Variants in ADAMTS13 observed in about 807,000 individuals in gnomAD.
The protein encoded by ADAMTS13 is ADAM metallopeptidase with thrombospondin type 1 motif 13.
In ADAMTS13, 110 loss-of-function variants were observed where a neutral mutation model predicts 155.1. That is an observed-to-expected ratio of 0.71 (90% CI 0.61 to 0.83). The LOEUF (loss-of-function observed/expected upper bound fraction) is 0.83. Ranked by LOEUF, ADAMTS13 falls within the 40% of genes least tolerant of loss-of-function variation. The probability of loss-of-function intolerance (pLI) is 0.00; values close to 1 mark genes in which losing one functional copy is unlikely to be tolerated. For synonymous variants in ADAMTS13, 758 were observed against 756.4 expected (o/e 1.00, Z -0.03); for missense variants, 1,707 against 1,891.7 (o/e 0.90, Z 1.81).
intron 7 of ADAMTS13, chr9:133,429,617 C>G: frequency 2.1e-6 from 1 of 483,452 alleles, no homozygotes; most frequent in Non-Finnish European, 4.0e-6. Context: ...ATCTCCCCCA[C>G]CCGCGTACAT....
At chr9:133,447,791 G>A (rs779367228) in intron 21 of ADAMTS13, among the ~76,000 whole-genome samples, 2 of 151,208 alleles carry the variant, frequency 1.3e-5, no homozygotes, top group Non-Finnish European at 2.9e-5. Context: ...AGGGGGTTTC[G>A]CCATGATGGC....
At chr9:133,429,218 GCTGTCCCACTCTGCGGCCACCCTT>G (rs1840533706) in intron 7 of ADAMTS13, among the ~76,000 whole-genome samples, 1 of 57,652 alleles carries the variant, frequency 1.7e-5, no homozygotes, top group Non-Finnish European at 3.2e-5. Flanking sequence ...CTCCCCCCGT[GCTGTCCCACTCTGCGGCCACCCTT>G]CTGTCCAACC....
chr9:133,442,128 G>T (rs1841713046), intron 16 of ADAMTS13, among the ~76,000 whole-genome samples: 1 of 152,082 alleles, frequency 6.6e-6, no homozygotes, highest in Admixed American at 6.6e-5. Context: ...TGTCTTTGTT[G>T]TTTTTTTAGA....
rs1842237828 is a variant in ADAMTS13, at chr9:133,448,737, G to A, written c.2861+9G>A. ...GTCCCGTGCCCTGCTCGGTGAGTGA[G>A]GGGAGCAAGACTGTGTGCTGGCCTT... is the stretch of plus-strand genomic sequence containing the variant. On this transcript the variant is annotated intron_variant, in intron 22 of 28. Coordinates refer to ENST00000355699, the MANE Select transcript of ADAMTS13 (RefSeq NM_139027.6). 4.4e-6 allele frequency: 7 copies of A among 1,599,250 alleles called. No homozygotes were observed. The East Asian group carries it at 1.6e-4, about 36-fold the overall frequency.
chr9:133,439,480 T>G (rs1462326537), intron 15 of ADAMTS13, 34 bp downstream of exon 15: 1 of 1,565,924 alleles, frequency 6.4e-7, no homozygotes, highest in African/African-American at 1.4e-5. Flanking sequence ...CCCAGTTAGC[T>G]AGACTGCAAA....
Position 133,425,911 on chromosome 9 carries a change from A to C in ADAMTS13, c.415-27A>C, listed in dbSNP as rs374056237. On this transcript the variant is annotated intron_variant, in intron 4 of 28. Transcript: ENST00000355699. The surrounding 1 kb of genome is among the most constrained non-coding windows in gnomAD (Gnocchi z 4.6). ...CACCGTGCCTGGTTGGGGTGTCCTA[A>C]ATGCAGGCTTTGCTGTGGGTCCGCA... 11 of 1,612,670 alleles carry C rather than the reference A, an allele frequency of 6.8e-6. No homozygotes were observed. In the African/African-American group the frequency reaches 1.5e-4, roughly 22 times the overall value.
At position 133,454,450 on chromosome 9, in the gene ADAMTS13, G is replaced by C; in HGVS notation, c.3080G>C (p.Ser1027Thr). ...KVMSLGPCSASCGLGTARRSV... is the reference protein window; with the variant it reads ...KVMSLGPCSATCGLGTARRSV... The stretch of plus-strand genomic sequence containing the variant: ...ATGTCCCTTGGCCCATGTTCGGCCA[G>C]CTGTGGCCTTGGCACTGCTAGACGC... The change falls in exon 24 of 29, where the codon AGC (serine) becomes ACC (threonine). Residue 1027 changes from serine (S) to threonine (T), a missense_variant. This residue lies in a region of ADAMTS13 where 961 missense variants were observed against 1,107.9 expected (regional missense o/e 0.87). Coordinates refer to ENST00000355699, the MANE Select transcript of ADAMTS13 (RefSeq NM_139027.6). The C allele has an allele frequency of 2.5e-6, 4 of 1,613,772 alleles. No individual in the cohort carries two copies. Among genetic ancestry groups the C allele is most frequent in the South Asian group, 1.1e-5 (1 of 91,090 alleles).
At chr9:133,429,605 C>T (rs587643079) in intron 7 of ADAMTS13, 132 of 448,774 alleles carry the variant, frequency 2.9e-4, no homozygotes, top group Middle Eastern at 2.5e-3. Flanking sequence ...TCCCACACCC[C>T]TATCTCCCCC....
chr9:133,456,422 A>T lies in ADAMTS13; in HGVS notation c.3548-121A>T. 1 of 1,406,518 alleles carries T rather than the reference A, an allele frequency of 7.1e-7. No individual in the cohort carries two copies. Among genetic ancestry groups the T allele is most frequent in the Non-Finnish European group, 9.8e-7 (1 of 1,024,216 alleles). 87.1% of individuals were successfully genotyped at this position (1,406,518 alleles called of 1,614,324 possible). A position where few individuals can be genotyped will look rare whatever the true frequency, so the allele number is the denominator to read the frequency against. ...GATTAAGTGATGTGCCCAGTTACTT[A>T]GAGTCACATAGCCAGCAGTGGGAGA... On this transcript the variant is annotated intron_variant, in intron 26 of 28. Coordinates refer to ENST00000355699, the MANE Select transcript of ADAMTS13 (RefSeq NM_139027.6). The surrounding 1 kb of genome is among the most constrained non-coding windows in gnomAD (Gnocchi z 4.4).
chr9:133,454,038 C>T (rs1409912808), intron 23 of ADAMTS13, among the ~76,000 whole-genome samples: 2 of 152,118 alleles, frequency 1.3e-5, no homozygotes, highest in Admixed American at 1.3e-4. Context: ...GGGAAGGGAA[C>T]TCGGCCTTCC....
intron 6 of ADAMTS13, among the ~76,000 whole-genome samples, chr9:133,428,188 C>G (rs36219558): frequency 0.022 from 3,371 of 152,262 alleles, 129 homozygotes; most frequent in African/African-American, 0.077. Context: ...AAACAATGGC[C>G]AAGGGCAAGC....
At chr9:133,428,210 G>C (rs967644329) in intron 6 of ADAMTS13, among the ~76,000 whole-genome samples, 1 of 152,196 alleles carries the variant, frequency 6.6e-6, no homozygotes, top group Non-Finnish European at 1.5e-5. Flanking sequence ...CGTTTTAACT[G>C]AACTTTAAAA....
intron 23 of ADAMTS13, among the ~76,000 whole-genome samples, chr9:133,450,167 T>G (rs587666523): frequency 2.5e-4 from 38 of 150,296 alleles, no homozygotes; most frequent in African/African-American, 8.3e-4. Context: ...GTGTGGTGGC[T>G]CACGCCTGTA....
chr9:133,459,132 A>T lies in ADAMTS13; in HGVS notation c.4068A>T (p.Val1356=). The change falls in exon 29 of 29, where the codon GTA becomes GTT. Residue 1356 remains valine (V), a synonymous_variant. Coordinates refer to ENST00000355699, the MANE Select transcript of ADAMTS13 (RefSeq NM_139027.6). ...AGTACTGGACCCTCCAATCATGGGT[A>T]CCGGAGATGCAGGACCCTCAGTCCT... ...RGQYWTLQSW[V]PEMQDPQSWK... 1.2e-6 allele frequency: 2 copies of T among 1,612,842 alleles called. No individual in the cohort carries two copies. Among genetic ancestry groups the T allele is most frequent in the Non-Finnish European group, 1.7e-6 (2 of 1,179,886 alleles).
At chr9:133,418,904 G>A (rs1839830944), upstream of ADAMTS13, among the ~76,000 whole-genome samples, 1 of 152,166 alleles carries the variant, frequency 6.6e-6, no homozygotes, top group Non-Finnish European at 1.5e-5. Flanking sequence ...ACAATATGAG[G>A]GGTGGTCTCC....
At chr9:133,447,420 T>C (rs782601108) in intron 21 of ADAMTS13, among the ~76,000 whole-genome samples, 4 of 152,004 alleles carry the variant, frequency 2.6e-5, no homozygotes, top group Non-Finnish European at 5.9e-5. Flanking sequence ...GCCTCCTGAA[T>C]AGCTACTATA....
Position 133,449,848 on chromosome 9 carries a change from A to G in ADAMTS13, c.2927A>G (p.Tyr976Cys). 1 of 1,613,990 alleles carries G rather than the reference A, an allele frequency of 6.2e-7. No homozygotes were observed. Among genetic ancestry groups the G allele is most frequent in the Non-Finnish European group, 8.5e-7 (1 of 1,179,994 alleles). Residue 976 changes from tyrosine (Y) to cysteine (C), a missense_variant, in exon 23 of 29, where the codon TAT becomes TGT. By Grantham distance (194) the Tyr-to-Cys change is radical. Around this residue, in one of 3 missense-constraint regions of ADAMTS13, gnomAD observed 961 missense variants for 1,107.9 expected, o/e 0.87. Coordinates refer to ENST00000355699, the MANE Select transcript of ADAMTS13 (RefSeq NM_139027.6). ...CGRGVVRRIL[Y>C]CARAHGEDDG... is the part of the protein sequence containing the mutation. ...AGAGGGGTCGTGCGGAGGATCCTGT[A>G]TTGTGCCCGGGCCCATGGGGAGGAC... is the stretch of plus-strand genomic sequence containing the variant.
intron 11 of ADAMTS13, among the ~76,000 whole-genome samples, chr9:133,434,931 G>C (rs1554788526): frequency 1.3e-5 from 2 of 152,086 alleles, no homozygotes; most frequent in Non-Finnish European, 2.9e-5. Context: ...CGTCCCCAAG[G>C]CTCACCTGTG....
chr9:133,418,860 A>G (rs587595235), upstream of ADAMTS13, among the ~76,000 whole-genome samples: 5 of 152,108 alleles, frequency 3.3e-5, no homozygotes, highest in East Asian at 7.7e-4. Flanking sequence ...TTTAGTTTTT[A>G]CTTCTTTATT....
Sources: allele counts gnomAD v4.1 joint callset (sites outside exome capture counted in the v4.1 genomes callset), GRCh38; gene constraint gnomAD v4.1.1; regional missense constraint gnomAD v4.1.1; non-coding constraint Gnocchi (gnomAD v3.1); transcripts MANE v1.5; gene names NCBI Gene and HGNC (gene_info 2026-07-23, HGNC 2026-07-21).